Variants in RHEBL1 observed in about 807,000 individuals in gnomAD.
RHEBL1 encodes the protein GTPase RhebL1.
RHEBL1 carries 22 observed loss-of-function variants against 27.4 expected under a neutral mutation model. The observed-to-expected ratio is 0.80, with a 90% CI of 0.57 to 1.15. The LOEUF (loss-of-function observed/expected upper bound fraction) is 1.15, where lower values mean the gene tolerates loss of function less well. Among genes scored for constraint, RHEBL1 ranks in the 50% most tolerant of loss-of-function variants. RHEBL1 has a pLI of 0.00. For missense variants in RHEBL1, 186 were observed against 226.5 expected, an observed-to-expected ratio of 0.82 and a Z score of 1.15; for synonymous variants, 85 against 80.8, an observed-to-expected ratio of 1.05 and a Z score of -0.28.
chr12:49,067,375 G>T (rs1662797492), intron 2 of RHEBL1, among the ~76,000 whole-genome samples: 1 of 151,748 alleles, frequency 6.6e-6, no homozygotes, highest in Admixed American at 6.6e-5. Context: ...GAACTCCTGG[G>T]CTCAAGCAAT....
intron 6 of RHEBL1, among the ~76,000 whole-genome samples, chr12:49,065,680 C>T (rs1938985016): frequency 6.6e-6 from 1 of 152,066 alleles, no homozygotes; most frequent in Non-Finnish European, 1.5e-5. Context: ...AATCCCGATA[C>T]TTTGGGAGGC....
chr12:49,068,988 C>G lies in RHEBL1; in HGVS notation c.124+47G>C, dbSNP rs750657846. On this transcript the variant is annotated intron_variant, in intron 2 of 7. Transcript: ENST00000301068. ...ATGGAGTTGGGTGGGGTATCCAAGC[C>G]CTCCGGGTCGCATACCACCAGCACA... is the stretch of plus-strand genomic sequence containing the variant. 6.4e-6 allele frequency: 10 copies of G among 1,567,746 alleles called. No homozygotes were observed. The Admixed American group carries it at 1.8e-4, about 28-fold the overall frequency.
chr12:49,069,288 TTTGGCTACCGGATGC>T, intron 1 of RHEBL1, 182 bp from the exon 2 acceptor site: 1 of 1,055,594 alleles, frequency 9.5e-7, no homozygotes, highest in Non-Finnish European at 1.3e-6. Context: ...GTCTCCGCAC[TTTGGCTACCGGATGC>T]ATTCAGAAGC....
At position 49,065,076 on chromosome 12, in the gene RHEBL1, C is replaced by A; in HGVS notation, c.*27G>T. ...ACATGGCAAGTGCCGGGGGCAGAAGCAAGGCAGTTACCCCACACCCAAGGG... is the reference window on the plus strand; with the variant it reads ...ACATGGCAAGTGCCGGGGGCAGAAGAAAGGCAGTTACCCCACACCCAAGGG... On this transcript the variant is annotated 3_prime_UTR_variant, in exon 8 of 8. Coordinates refer to ENST00000301068, the MANE Select transcript of RHEBL1 (RefSeq NM_144593.3). 1 of 1,561,156 alleles carries A rather than the reference C, an allele frequency of 6.4e-7. No individual in the cohort carries two copies. The highest frequency in any genetic ancestry group is 8.8e-7 in the Non-Finnish European group (1 of 1,131,888).
chr12:49,069,831 G>A lies in RHEBL1; in HGVS notation c.-46C>T, dbSNP rs1283403777. On this transcript the variant is annotated 5_prime_UTR_variant, in exon 1 of 8. Coordinates refer to ENST00000301068, the MANE Select transcript of RHEBL1 (RefSeq NM_144593.3). ...GCTTGCGGAACTGCGGGCTCAGAGA[G>A]CCCGAAAACGAGGTCAGGGTGTGAG... 3 of 1,572,274 alleles carry A rather than the reference G, an allele frequency of 1.9e-6. No homozygotes were observed. The African/African-American group carries it at 4.1e-5, about 21-fold the overall frequency.
At chr12:49,068,429 CTTTTT>C (rs56316449) in intron 2 of RHEBL1, among the ~76,000 whole-genome samples, 16 of 99,618 alleles carry the variant, frequency 1.6e-4, no homozygotes, top group Non-Finnish European at 3.1e-4. Context: ...CGGTGCCCAG[CTTTTT>C]TTTTTTTTTT....
Position 49,065,416 on chromosome 12 carries a change from A to G in RHEBL1, c.396T>C (p.Val132=). Residue 132 remains valine, a synonymous_variant, in exon 7 of 8, where the codon GTT becomes GTC. Coordinates refer to ENST00000301068, the MANE Select transcript of RHEBL1 (RefSeq NM_144593.3). The part of the protein sequence containing the change: ...DLSPEREVQA[V]EGKKLAESWG... ...AGGACTCTGCCAGCTTCTTTCCTTC[A>G]ACTGCCTGTACCTCTCTGGAAGCAA... 6.2e-7 allele frequency: 1 copy of G among 1,614,184 alleles called. No individual in the cohort carries two copies. Among genetic ancestry groups the G allele is most frequent in the South Asian group, 1.1e-5 (1 of 91,086 alleles).
At chr12:49,065,217 A>G (rs757810432) in intron 7 of RHEBL1, 25 bp from the exon 8 acceptor site, 3 of 1,599,620 alleles carry the variant, frequency 1.9e-6, no homozygotes, top group African/African-American at 1.3e-5. Context: ...GATTCAGGGC[A>G]AAAGTCAGTT....
Position 49,067,010 on chromosome 12 carries a change from G to A in RHEBL1, c.150C>T (p.Gly50=). The A allele has an allele frequency of 6.2e-7, 1 of 1,613,666 alleles. No homozygotes were observed. The highest frequency in any genetic ancestry group is 8.5e-7 in the Non-Finnish European group (1 of 1,179,820). ...ENTYSKIVTL[G]KDEFHLHLVD... The stretch of plus-strand genomic sequence containing the variant: ...CCAGATGTAGGTGAAACTCATCTTT[G>A]CCAAGAGTCACTATCTTGCTGTAAG... The change falls in exon 3 of 8, where the codon GGC becomes GGT. Residue 50 remains glycine, a synonymous_variant. Coordinates refer to ENST00000301068, the MANE Select transcript of RHEBL1 (RefSeq NM_144593.3).
chr12:49,068,876 CT>C (rs1565840219), intron 2 of RHEBL1, among the ~76,000 whole-genome samples, 158 bp downstream of exon 2: 5 of 152,242 alleles, frequency 3.3e-5, no homozygotes, highest in Non-Finnish European at 7.3e-5. Context: ...AATCCATACT[CT>C]AGCCATCCAT....
At chr12:49,066,559 A>G (rs1413966316) in intron 4 of RHEBL1, 27 bp from the exon 5 acceptor site, 5 of 1,614,042 alleles carry the variant, frequency 3.1e-6, no homozygotes, top group Middle Eastern at 1.6e-4. Context: ...TGGAGCTATA[A>G]CTTTATGAGA....
chr12:49,065,639 A>T (rs1389408229), intron 6 of RHEBL1, among the ~76,000 whole-genome samples: 1 of 152,020 alleles, frequency 6.6e-6, no homozygotes, highest in Non-Finnish European at 1.5e-5. Context: ...ATTAAAAAAA[A>T]AATGGGCCAC....
chr12:49,068,580 C>A (rs1939036257), intron 2 of RHEBL1, among the ~76,000 whole-genome samples: 2 of 151,832 alleles, frequency 1.3e-5, no homozygotes, highest in Non-Finnish European at 2.9e-5. Flanking sequence ...GGATTACAGG[C>A]GTGCGCCACC....
intron 2 of RHEBL1, among the ~76,000 whole-genome samples, chr12:49,067,802 T>C (rs1939021810): frequency 6.6e-6 from 1 of 152,042 alleles, no homozygotes; most frequent in Admixed American, 6.6e-5. Context: ...AATAAAGTAA[T>C]TACTTTTGTT....
At chr12:49,066,429 C>T in intron 5 of RHEBL1, 47 bp downstream of exon 5, 1 of 1,592,728 alleles carries the variant, frequency 6.3e-7, no homozygotes. Context: ...TGCTCTCTCC[C>T]ACCCCCTCAT....
Position 49,066,662 on chromosome 12 carries a change from C to G in RHEBL1, c.232G>C (p.Val78Leu). 5.0e-6 allele frequency: 8 copies of G among 1,614,162 alleles called. No individual in the cohort carries two copies. Among genetic ancestry groups the G allele is most frequent in the Non-Finnish European group, 6.8e-6 (8 of 1,180,010 alleles). The part of the protein sequence containing the change: ...SILPYSFIIG[V>L]HGYVLVYSVT... ...GAATACACAAGCACATAACCATGGA[C>G]CCCAATGATGAATGAATAGGGCAGA... Residue 78 changes from valine to leucine, a missense_variant, in exon 4 of 8, where the codon GTC becomes CTC. Val to Leu is a conservative substitution (Grantham distance 32). Around this residue, in one of 3 missense-constraint regions of RHEBL1, gnomAD observed 34 missense variants for 69.3 expected, o/e 0.49. Transcript: ENST00000301068.
At chr12:49,066,392 CCTCT>C in intron 5 of RHEBL1, 80 bp downstream of exon 5, 3 of 1,553,014 alleles carry the variant, frequency 1.9e-6, no homozygotes, top group Non-Finnish European at 2.7e-6. Flanking sequence ...ATCCGAGCCT[CCTCT>C]CTAACTTGAC....
Position 49,069,585 on chromosome 12 carries a change from CTCTTCCAT to C in RHEBL1, c.52+141_52+148del. On this transcript the variant is annotated intron_variant, in intron 1 of 7. Transcript: ENST00000301068. ...CACCACCAACTCTTCCAATCCTCCA[CTCTTCCAT>C]TCCTCCACTCTTCCAATCCTCGCTC... The C allele has an allele frequency of 1.3e-5, 3 of 233,402 alleles. 1 individual carries two copies. Among genetic ancestry groups the C allele is most frequent in the South Asian group, 1.3e-4 (2 of 15,340 alleles). The allele number at this position is 233,402 out of a possible 1,614,324, so 14.5% of individuals were successfully genotyped here. A position where few individuals can be genotyped will look rare whatever the true frequency, so the allele number is the denominator to read the frequency against.
At chr12:49,067,672 C>T (rs992132466) in intron 2 of RHEBL1, among the ~76,000 whole-genome samples, 14 of 152,078 alleles carry the variant, frequency 9.2e-5, no homozygotes, top group African/African-American at 3.4e-4. Context: ...CCCAGCTACT[C>T]AGGAGGGTGA....
Sources: allele counts gnomAD v4.1 joint callset (sites outside exome capture counted in the v4.1 genomes callset), GRCh38; gene constraint gnomAD v4.1.1; regional missense constraint gnomAD v4.1.1; transcripts MANE v1.5; gene names NCBI Gene and HGNC (gene_info 2026-07-23, HGNC 2026-07-21).